The following HOMER1 variants were observed in gnomAD, a reference collection of about 807,000 sequenced individuals.
HOMER1 encodes homer protein homolog 1.
A neutral mutation model predicts 48.9 loss-of-function variants in HOMER1; 3 were observed. The observed-to-expected ratio is 0.06, with a 90% confidence interval of 0.03 to 0.16. The LOEUF (loss-of-function observed/expected upper bound fraction) is 0.16, where lower values mean the gene tolerates loss of function less well. Among genes scored for constraint, HOMER1 ranks in the 10% least tolerant of loss-of-function variants. The pLI, the probability that HOMER1 is intolerant of heterozygous loss-of-function variation, is 1.00. For synonymous variants in HOMER1, 134 were observed against 146.4 expected (o/e 0.92, Z 0.61); for missense variants, 247 against 411.4 (o/e 0.60, Z 3.46).
chr5:79,396,301 T>A (rs926953399), intron 8 of HOMER1, among the ~76,000 whole-genome samples: 70 of 149,694 alleles, frequency 4.7e-4, no homozygotes, highest in African/African-American at 1.4e-3. Context: ...TGTAAAATAA[T>A]AATAATAATA....
intron 5 of HOMER1, among the ~76,000 whole-genome samples, chr5:79,409,978 G>C (rs1471509145): frequency 6.6e-6 from 1 of 152,144 alleles, no homozygotes; most frequent in South Asian, 2.1e-4. Flanking sequence ...CAAAAATTTA[G>C]AATTATATGA....
chr5:79,442,617 T>C (rs1358040279), intron 4 of HOMER1, among the ~76,000 whole-genome samples: 2 of 152,176 alleles, frequency 1.3e-5, no homozygotes, highest in East Asian at 1.9e-4. Context: ...CCCATTACAG[T>C]TTCAACCTTG....
chr5:79,449,035 A>T (rs1023159763), intron 3 of HOMER1, among the ~76,000 whole-genome samples: 2 of 152,218 alleles, frequency 1.3e-5, no homozygotes, highest in Non-Finnish European at 1.5e-5. Context: ...TAGAACTGAC[A>T]GAAGTTAATA....
At chr5:79,500,868 G>GC (rs1485335798) in intron 1 of HOMER1, among the ~76,000 whole-genome samples, 1 of 150,688 alleles carries the variant, frequency 6.6e-6, no homozygotes, top group Non-Finnish European at 1.5e-5. Flanking sequence ...CAAGTGATCC[G>GC]CCCGCCTCAG....
intron 1 of HOMER1, among the ~76,000 whole-genome samples, chr5:79,458,235 A>C (rs1257851571): frequency 6.6e-6 from 1 of 152,122 alleles, no homozygotes; most frequent in African/African-American, 2.4e-5. Context: ...TAATTCAAAA[A>C]TTTCCAAGTT....
chr5:79,484,994 C>T (rs566656509), intron 1 of HOMER1, among the ~76,000 whole-genome samples: 2 of 152,112 alleles, frequency 1.3e-5, no homozygotes, highest in African/African-American at 4.8e-5. Context: ...ACCTCACTTC[C>T]GAAAGTCTAT....
intron 5 of HOMER1, among the ~76,000 whole-genome samples, chr5:79,422,428 A>G (rs1426974580): frequency 6.6e-6 from 1 of 152,140 alleles, no homozygotes; most frequent in Non-Finnish European, 1.5e-5. Context: ...TGGTCTCCAT[A>G]TGGTGACTTA....
At chr5:79,472,785 A>C (rs1377757107) in intron 1 of HOMER1, among the ~76,000 whole-genome samples, 2 of 152,018 alleles carry the variant, frequency 1.3e-5, no homozygotes, top group Non-Finnish European at 2.9e-5. Context: ...TCTCTAAAAA[A>C]AATGTTTTTA....
chr5:79,494,157 G>A (rs2112362782), intron 1 of HOMER1, among the ~76,000 whole-genome samples: 1 of 152,214 alleles, frequency 6.6e-6, no homozygotes, highest in South Asian at 2.1e-4. Flanking sequence ...AGAGATGCCT[G>A]ATCTGCTCTT....
intron 4 of HOMER1, among the ~76,000 whole-genome samples, chr5:79,446,660 G>C (rs539782552): frequency 9.2e-5 from 14 of 151,536 alleles, no homozygotes; most frequent in African/African-American, 3.1e-4. Context: ...TTTTCTTTTT[G>C]AGACAGGGTC....
intron 8 of HOMER1, among the ~76,000 whole-genome samples, chr5:79,380,375 A>G (rs999827301): frequency 6.6e-6 from 1 of 152,214 alleles, no homozygotes; most frequent in Non-Finnish European, 1.5e-5. Flanking sequence ...CTAGAGCCCA[A>G]CAGTGCTGTA....
intron 1 of HOMER1, among the ~76,000 whole-genome samples, chr5:79,492,599 T>C (rs1371781415): frequency 6.6e-6 from 1 of 151,902 alleles, no homozygotes; most frequent in African/African-American, 2.4e-5. Flanking sequence ...TAGCAGGAAA[T>C]GGGAATATAA....
Position 79,446,724 on chromosome 5 carries a change from C to T in HOMER1, c.387+329G>A, listed in dbSNP as rs576255529. 4.6e-5 allele frequency among the ~76,000 whole-genome samples: 7 copies of T among 151,694 alleles called. No homozygotes were observed. In the South Asian group the frequency reaches 1.3e-3, roughly 27 times the overall value. ...GCACAATTATAGCTCACTGCAGCCT[C>T]GACCTCCCAGTCAAGTGATCCTCCT... is the stretch of plus-strand genomic sequence containing the variant. On this transcript the variant is annotated intron_variant, in intron 4 of 8. Coordinates refer to ENST00000334082, the MANE Select transcript of HOMER1 (RefSeq NM_004272.5).
intron 5 of HOMER1, among the ~76,000 whole-genome samples, chr5:79,408,929 A>G (rs1409724528): frequency 6.6e-6 from 1 of 151,738 alleles, no homozygotes; most frequent in Non-Finnish European, 1.5e-5. Context: ...TAAAAATACA[A>G]AAATTAGCTG....
intron 1 of HOMER1, among the ~76,000 whole-genome samples, chr5:79,487,076 C>T (rs1464078832): frequency 6.6e-6 from 1 of 152,090 alleles, no homozygotes; most frequent in African/African-American, 2.4e-5. Flanking sequence ...GTCAAGAGAT[C>T]AAAACCATCC....
In HOMER1 at chr5:79,374,351, T is replaced by C. The variant is rs1039907784; in HGVS notation, c.*1658A>G. The C allele has an allele frequency of 1.3e-5, 2 of 152,382 alleles. No homozygotes were observed. The highest frequency in any genetic ancestry group is 3.9e-4 in the East Asian group (2 of 5,190). The allele number at this position is 152,382 out of a possible 1,614,324, so 9.4% of individuals were successfully genotyped here. A position where few individuals can be genotyped will look rare whatever the true frequency, so the allele number is the denominator to read the frequency against. ...AAATTTTTCAGAGACACCTGAAAAC[T>C]CACTTAAGAAACTAACTTCAGAAAC... On this transcript the variant is annotated 3_prime_UTR_variant, in exon 9 of 9. Transcript: ENST00000334082.
intron 8 of HOMER1, among the ~76,000 whole-genome samples, chr5:79,377,659 G>C (rs1417012814): frequency 6.6e-6 from 1 of 152,030 alleles, no homozygotes; most frequent in Non-Finnish European, 1.5e-5. Flanking sequence ...CAAGTCTAAA[G>C]GACAGTGGAA....
At chr5:79,445,740 C>T (rs1750857015) in intron 4 of HOMER1, among the ~76,000 whole-genome samples, 1 of 152,070 alleles carries the variant, frequency 6.6e-6, no homozygotes, top group Non-Finnish European at 1.5e-5. Flanking sequence ...CATGATAAAA[C>T]ACCACCACTA....
chr5:79,373,219 G>A lies in HOMER1; in HGVS notation c.*2790C>T, dbSNP rs1748678759. On this transcript the variant is annotated 3_prime_UTR_variant, in exon 9 of 9. Transcript: ENST00000334082. Reference sequence around the variant, plus strand: ...ATCATTTAAATGCTTTTAAATATCTGTAAAAGACTGGAGGAAAAAAAGATA... The same window carrying A: ...ATCATTTAAATGCTTTTAAATATCTATAAAAGACTGGAGGAAAAAAAGATA... 1 of 151,696 alleles carries A rather than the reference G, an allele frequency of 6.6e-6. No individual in the cohort carries two copies. Among genetic ancestry groups the A allele is most frequent in the African/African-American group, 2.4e-5 (1 of 41,330 alleles). The allele number at this position is 151,696 out of a possible 1,614,324, so 9.4% of individuals were successfully genotyped here.
Sources: gnomAD v4.1 joint callset for allele counts (sites outside exome capture counted in the v4.1 genomes callset) on GRCh38, gnomAD v4.1.1 for gene constraint, MANE v1.5 for transcripts, NCBI Gene and HGNC (gene_info 2026-07-23, HGNC 2026-07-21) for gene names.